Variants in PPARGC1A observed in about 807,000 individuals in gnomAD.
The protein encoded by PPARGC1A is PPARG coactivator 1 alpha.
In PPARGC1A, 25 loss-of-function variants were observed where a neutral mutation model predicts 88.7. That is an observed-to-expected ratio of 0.28 (90% CI 0.21 to 0.39). The LOEUF (loss-of-function observed/expected upper bound fraction) is 0.39, where lower values mean the gene tolerates loss of function less well. Ranked by LOEUF, PPARGC1A falls within the 10% of genes least tolerant of loss-of-function variation. PPARGC1A has a pLI of 1.00. For missense variants in PPARGC1A, 880 were observed against 968.7 expected (o/e 0.91, Z 1.22); for synonymous variants, 363 against 355.6 (o/e 1.02, Z -0.24).
the PPARGC1A span, among the ~76,000 whole-genome samples, chr4:24,184,887 A>T: frequency 6.6e-6 from 1 of 152,176 alleles, no homozygotes; most frequent in South Asian, 2.1e-4. Flanking sequence ...GAAGGAAAAT[A>T]AAATAGACAA....
At chr4:24,320,685 C>CA in the PPARGC1A span, among the ~76,000 whole-genome samples, 1 of 152,104 alleles carries the variant, frequency 6.6e-6, no homozygotes, top group Non-Finnish European at 1.5e-5. Context: ...GTCTCTCTTG[C>CA]AAAAAGTTCA....
the PPARGC1A span, among the ~76,000 whole-genome samples, chr4:23,950,997 C>T: frequency 3.9e-5 from 6 of 152,110 alleles, no homozygotes; most frequent in African/African-American, 1.4e-4. Context: ...GTCCTCTCTG[C>T]TTTGGGGGAA....
chr4:24,041,974 T>A, the PPARGC1A span, among the ~76,000 whole-genome samples: 50 of 152,022 alleles, frequency 3.3e-4, no homozygotes, highest in African/African-American at 1.2e-3. Flanking sequence ...TATGACTGTA[T>A]ATGGAATCTT....
At chr4:24,426,371 A>G in the PPARGC1A span, among the ~76,000 whole-genome samples, 1 of 152,308 alleles carries the variant, frequency 6.6e-6, no homozygotes, top group South Asian at 2.1e-4. Context: ...AAATAAAAGG[A>G]ACATTTCAAA....
chr4:24,085,578 T>G, the PPARGC1A span, among the ~76,000 whole-genome samples: 1 of 152,180 alleles, frequency 6.6e-6, no homozygotes, highest in Non-Finnish European at 1.5e-5. Context: ...TTGAGAGCTG[T>G]GGAGTGGCCC....
chr4:24,359,020 T>C, the PPARGC1A span, among the ~76,000 whole-genome samples: 4 of 152,172 alleles, frequency 2.6e-5, no homozygotes, highest in Non-Finnish European at 5.9e-5. Context: ...AGCACTCCCA[T>C]TTCTGTTGGT....
chr4:23,813,259 C>A, intron 8 of PPARGC1A, 134 bp from the exon 9 acceptor site: 1 of 744,972 alleles, frequency 1.3e-6, no homozygotes, highest in Non-Finnish European at 2.3e-6. Flanking sequence ...AGGGAGATTT[C>A]CCAGTGACAG....
the PPARGC1A span, among the ~76,000 whole-genome samples, chr4:24,345,113 T>C: frequency 1.3e-5 from 2 of 152,330 alleles, no homozygotes; most frequent in African/African-American, 4.8e-5. Flanking sequence ...CGTTTGTCTA[T>C]GTGCCTATTT....
chr4:23,888,710 C>T (rs572415129), intron 1 of PPARGC1A, among the ~76,000 whole-genome samples: 3 of 152,272 alleles, frequency 2.0e-5, no homozygotes, highest in East Asian at 3.9e-4. Context: ...GGGCATGCCT[C>T]GCTAGATAGG....
chr4:24,407,802 T>G, the PPARGC1A span, among the ~76,000 whole-genome samples: 4 of 152,294 alleles, frequency 2.6e-5, no homozygotes, highest in Middle Eastern at 0.01. Flanking sequence ...ATAAATCCAT[T>G]AATTCATGTA....
chr4:24,440,433 G>A, the PPARGC1A span, among the ~76,000 whole-genome samples: 2 of 152,326 alleles, frequency 1.3e-5, no homozygotes, highest in East Asian at 3.9e-4. Flanking sequence ...TACAGAACAT[G>A]GCACATGGCA....
At chr4:23,970,041 T>C in the PPARGC1A span, among the ~76,000 whole-genome samples, 1 of 152,218 alleles carries the variant, frequency 6.6e-6, no homozygotes, top group African/African-American at 2.4e-5. Context: ...CTGATTCCCA[T>C]AAGCATTCTG....
the PPARGC1A span, among the ~76,000 whole-genome samples, chr4:24,309,341 A>C: frequency 6.6e-6 from 1 of 152,188 alleles, no homozygotes; most frequent in Non-Finnish European, 1.5e-5. Flanking sequence ...GCAAAGATGC[A>C]TCCAAATCCC....
chr4:24,094,404 G>T, the PPARGC1A span, among the ~76,000 whole-genome samples: 1 of 152,142 alleles, frequency 6.6e-6, no homozygotes, highest in African/African-American at 2.4e-5. Context: ...TACAGGCCCA[G>T]TCTGTTCTAC....
At chr4:23,813,147 A>T in intron 8 of PPARGC1A, 22 bp from the exon 9 acceptor site, 1 of 1,610,126 alleles carries the variant, frequency 6.2e-7, no homozygotes. Context: ...GAGAAAAGCA[A>T]AAAGGGCATT....
At chr4:23,833,984 G>A (rs1725535419) in intron 2 of PPARGC1A, among the ~76,000 whole-genome samples, 1 of 152,130 alleles carries the variant, frequency 6.6e-6, no homozygotes, top group African/African-American at 2.4e-5. Flanking sequence ...GGCCAATGTG[G>A]TGAAACCTCG....
At chr4:24,337,933 C>T in the PPARGC1A span, among the ~76,000 whole-genome samples, 1 of 152,138 alleles carries the variant, frequency 6.6e-6, no homozygotes, top group Admixed American at 6.5e-5. Context: ...CGCATCTTCC[C>T]AGCAGCCTCC....
chr4:23,919,267 T>A, the PPARGC1A span, among the ~76,000 whole-genome samples: 1 of 152,156 alleles, frequency 6.6e-6, no homozygotes, highest in East Asian at 1.9e-4. Context: ...AATGGTAGTT[T>A]GTTTCTACTG....
At chr4:23,800,138 A>G (rs1013635257) in intron 12 of PPARGC1A, among the ~76,000 whole-genome samples, 1 of 152,180 alleles carries the variant, frequency 6.6e-6, no homozygotes, top group Admixed American at 6.6e-5. Context: ...AAGAAAAAAA[A>G]TCCCTGTATT....
Sources: gnomAD v4.1 joint callset for allele counts (sites outside exome capture counted in the v4.1 genomes callset) on GRCh38, gnomAD v4.1.1 for gene constraint, MANE v1.5 for transcripts, NCBI Gene and HGNC (gene_info 2026-07-23, HGNC 2026-07-21) for gene names.